RBM6: variants seen among roughly 807,000 people sequenced by gnomAD.
RBM6 encodes the protein RNA binding motif protein 6, also known as RNA-binding protein 6.
In RBM6, 23 loss-of-function variants were observed where a neutral mutation model predicts 140.4. The ratio of observed to expected loss-of-function variants is 0.16; its 90% CI spans 0.12 to 0.23. RBM6 has a LOEUF of 0.23. RBM6 is among the 10% of genes least tolerant of loss of function. The pLI, the probability that RBM6 is intolerant of heterozygous loss-of-function variation, is 1.00. For synonymous variants in RBM6, 439 were observed against 475.6 expected (o/e 0.92, Z 1.00); for missense variants, 1,139 against 1,386.7 (o/e 0.82, Z 2.84).
At position 50,004,836 on chromosome 3, in the gene RBM6, T is replaced by C. The variant is rs138973912; in HGVS notation, c.1557+5323T>C. ...TAAAGATGGGGTCTTGCTGTGTTGCTCAGGCTGCTCTTGAACTCCTTGCCT... is the reference window on the plus strand; with the variant it reads ...TAAAGATGGGGTCTTGCTGTGTTGCCCAGGCTGCTCTTGAACTCCTTGCCT... On this transcript the variant is annotated intron_variant, in intron 6 of 20. Coordinates refer to ENST00000266022, the MANE Select transcript of RBM6 (RefSeq NM_005777.3). 3.3e-3 allele frequency among the ~76,000 whole-genome samples: 498 copies of C among 152,200 alleles called. 4 individuals carry two copies. The highest frequency in any genetic ancestry group is 0.012 in the African/African-American group (488 of 41,538).
intron 6 of RBM6, among the ~76,000 whole-genome samples, chr3:50,010,394 C>T (rs191430320): frequency 1.3e-5 from 2 of 151,830 alleles, no homozygotes; most frequent in East Asian, 1.9e-4. Context: ...GCCGGGGAGT[C>T]GGGGGGTGGC....
At chr3:49,950,765 CAGAA>C (rs1277254180) in intron 1 of RBM6, among the ~76,000 whole-genome samples, 4 of 148,970 alleles carry the variant, frequency 2.7e-5, no homozygotes, top group African/African-American at 7.4e-5. Context: ...AAAAAAAAAA[CAGAA>C]AGAATGAAAG....
Position 49,983,730 on chromosome 3 carries a change from C to T in RBM6, c.1483+8338C>T, listed in dbSNP as rs916976533. Among the ~76,000 whole-genome samples, 7 of 152,214 alleles carry T rather than the reference C, an allele frequency of 4.6e-5. No homozygotes were observed. The South Asian group carries it at 8.3e-4, about 18-fold the overall frequency. On this transcript the variant is annotated intron_variant, in intron 5 of 20. Transcript: ENST00000266022. Reference sequence around the variant, plus strand: ...GTCCTATCAGGTTTGATACAACCTTCGGGGAGGATGTGGCAGTTGAAATTT... The same window carrying T: ...GTCCTATCAGGTTTGATACAACCTTTGGGGAGGATGTGGCAGTTGAAATTT...
chr3:49,994,461 G>A (rs935398848), intron 5 of RBM6, among the ~76,000 whole-genome samples: 1 of 152,078 alleles, frequency 6.6e-6, no homozygotes, highest in African/African-American at 2.4e-5. Context: ...CAGATACCTG[G>A]ATCAATTCTG....
At chr3:50,042,156 A>T (rs1354834828) in intron 6 of RBM6, among the ~76,000 whole-genome samples, 2 of 152,202 alleles carry the variant, frequency 1.3e-5, no homozygotes, top group Non-Finnish European at 2.9e-5. Context: ...TCAGCCACCA[A>T]TAACCTGATA....
intron 18 of RBM6, 101 bp from the exon 19 acceptor site, chr3:50,070,354 C>G (rs1463344700): frequency 1.1e-6 from 1 of 886,328 alleles, no homozygotes; most frequent in African/African-American, 1.7e-5. Context: ...GACTCTGTCT[C>G]AAGAAAAAAA....
intron 6 of RBM6, among the ~76,000 whole-genome samples, chr3:50,017,399 T>C (rs995335752): frequency 6.6e-6 from 1 of 151,714 alleles, no homozygotes; most frequent in African/African-American, 2.4e-5. Context: ...CTACTAAAAA[T>C]ACAAAAAAAT....
At chr3:50,047,701 T>G (rs1182123902) in intron 6 of RBM6, among the ~76,000 whole-genome samples, 6 of 152,224 alleles carry the variant, frequency 3.9e-5, no homozygotes, top group Non-Finnish European at 7.3e-5. Flanking sequence ...TTCACCTTCC[T>G]CCTTTCTTCC....
intron 7 of RBM6, 130 bp from the exon 8 acceptor site, chr3:50,054,202 ATTC>A: frequency 1.4e-6 from 1 of 733,900 alleles, no homozygotes; most frequent in Non-Finnish European, 2.4e-6. Flanking sequence ...GGAATATCAG[ATTC>A]TTTTTTTAAG....
intron 1 of RBM6, among the ~76,000 whole-genome samples, chr3:49,954,822 G>C (rs1452055436): frequency 6.6e-6 from 1 of 150,984 alleles, no homozygotes; most frequent in African/African-American, 2.4e-5. Context: ...GCAGTGGCGC[G>C]ATCTCAGCCC....
chr3:50,001,811 C>T (rs1037873150), intron 6 of RBM6, among the ~76,000 whole-genome samples: 4 of 152,136 alleles, frequency 2.6e-5, no homozygotes, highest in African/African-American at 9.7e-5. Context: ...GTGATTAAGT[C>T]GTTCGCCTCT....
At chr3:49,950,168 C>G (rs939343435) in intron 1 of RBM6, among the ~76,000 whole-genome samples, 1 of 152,180 alleles carries the variant, frequency 6.6e-6, no homozygotes, top group South Asian at 2.1e-4. Context: ...GTCAGAGTAA[C>G]CCTTGCTTCT....
intron 1 of RBM6, among the ~76,000 whole-genome samples, chr3:49,954,556 C>T (rs1376587812): frequency 2.6e-5 from 4 of 151,884 alleles, no homozygotes; most frequent in Non-Finnish European, 5.9e-5. Context: ...ATTGGAATTA[C>T]AGGTGTGAGC....
At chr3:50,048,171 G>C (rs1225711988) in intron 6 of RBM6, 74 bp from the exon 7 acceptor site, 11 of 1,562,628 alleles carry the variant, frequency 7.0e-6, no homozygotes, top group Non-Finnish European at 9.5e-6. Flanking sequence ...GATTGGAAAG[G>C]CTCTCTGTGC....
At chr3:49,948,074 CA>C (rs1483596281) in intron 1 of RBM6, among the ~76,000 whole-genome samples, 2 of 151,692 alleles carry the variant, frequency 1.3e-5, no homozygotes, top group African/African-American at 4.8e-5. Context: ...GCCTGGGCGA[CA>C]GAGCGAGACA....
rs201863112 is a variant in RBM6, at chr3:49,986,600, A to C, written c.1483+11208A>C. 2.5e-3 allele frequency among the ~76,000 whole-genome samples: 374 copies of C among 147,662 alleles called. 2 individuals carry two copies. The highest frequency in any genetic ancestry group is 7.4e-3 in the East Asian group (37 of 4,994). Reference sequence around the variant, plus strand: ...ACAGAGCAAGACTCCGTCTCAAAAAAAAAAAAAAACAAAACAAAAAAAAAC... The same window carrying C: ...ACAGAGCAAGACTCCGTCTCAAAAACAAAAAAAAACAAAACAAAAAAAAAC... On this transcript the variant is annotated intron_variant, in intron 5 of 20. Transcript: ENST00000266022.
chr3:50,009,359 T>G (rs1210999824), intron 6 of RBM6, among the ~76,000 whole-genome samples: 1 of 152,182 alleles, frequency 6.6e-6, no homozygotes, highest in Non-Finnish European at 1.5e-5. Flanking sequence ...AGAAAATTCT[T>G]GTAGGCTGCA....
intron 6 of RBM6, among the ~76,000 whole-genome samples, chr3:50,008,548 T>C (rs1255209081): frequency 2.9e-5 from 1 of 34,712 alleles, no homozygotes; most frequent in African/African-American, 9.8e-5. Flanking sequence ...TTTTGTAACT[T>C]TTTTTTTTTT....
chr3:50,043,667 T>A (rs2089057364), intron 6 of RBM6, among the ~76,000 whole-genome samples: 2 of 151,666 alleles, frequency 1.3e-5, no homozygotes, highest in South Asian at 4.2e-4. Flanking sequence ...CACTGCAACC[T>A]CTGACTTCCT....
Sources: allele counts gnomAD v4.1 joint callset (sites outside exome capture counted in the v4.1 genomes callset), GRCh38; gene constraint gnomAD v4.1.1; transcripts MANE v1.5; gene names NCBI Gene and HGNC (gene_info 2026-07-23, HGNC 2026-07-21).